Variants in MIB1 observed in about 807,000 individuals in gnomAD.
The protein encoded by MIB1 is MIB E3 ubiquitin protein ligase 1.
A neutral mutation model predicts 124.5 loss-of-function variants in MIB1; 278 were observed. The ratio of observed to expected loss-of-function variants is 2.23; its 90% CI spans 2.02 to 2.47. MIB1 has a LOEUF of 2.47. Among genes scored for constraint, MIB1 ranks in the 30% most tolerant of loss-of-function variants. MIB1 has a pLI of 0.00. For missense variants in MIB1, 957 were observed against 1,254.4 expected (o/e 0.76, Z 3.58); for synonymous variants, 446 against 429.4 (o/e 1.04, Z -0.48).
intron 1 of MIB1, among the ~76,000 whole-genome samples, chr18:21,722,432 A>G (rs1322029359): frequency 1.4e-5 from 2 of 147,650 alleles, no homozygotes; most frequent in Admixed American, 6.8e-5. Context: ...GTGCAGTGGC[A>G]GGATCTCAGC....
intron 6 of MIB1, among the ~76,000 whole-genome samples, chr18:21,783,326 T>A (rs113474777): frequency 0.017 from 2,504 of 151,736 alleles, 39 homozygotes; most frequent in East Asian, 0.069. Context: ...CACTGCAACC[T>A]CCGCCTCCCG....
At chr18:21,782,383 A>G (rs2146430643) in intron 6 of MIB1, among the ~76,000 whole-genome samples, 1 of 152,318 alleles carries the variant, frequency 6.6e-6, no homozygotes, top group African/African-American at 2.4e-5. Flanking sequence ...TTGGCCTCCC[A>G]AAGTACTGGG....
At chr18:21,790,398 G>C (rs1449166181) in intron 6 of MIB1, among the ~76,000 whole-genome samples, 19 of 152,126 alleles carry the variant, frequency 1.2e-4, no homozygotes, top group Admixed American at 1.2e-3. Context: ...GTATATCCAA[G>C]TGATGGAATA....
chr18:21,753,103 A>G (rs1177086365), intron 1 of MIB1, among the ~76,000 whole-genome samples: 1 of 152,196 alleles, frequency 6.6e-6, no homozygotes, highest in Admixed American at 6.5e-5. Context: ...ATGGAAAAAT[A>G]TATGTAGAAA....
chr18:21,741,556 A>T lies in MIB1; in HGVS notation c.-28A>T. 7.7e-7 allele frequency: 1 copy of T among 1,300,074 alleles called. No individual in the cohort carries two copies. Among genetic ancestry groups the T allele is most frequent in the East Asian group, 3.2e-5 (1 of 31,114 alleles). 80.5% of individuals were successfully genotyped at this position (1,300,074 alleles called of 1,614,324 possible). A position where few individuals can be genotyped will look rare whatever the true frequency, so the allele number is the denominator to read the frequency against. On this transcript the variant is annotated 5_prime_UTR_variant, in exon 1 of 21. Transcript: ENST00000261537. The surrounding 1 kb of genome is among the most constrained non-coding windows in gnomAD (Gnocchi z 5.4). Reference sequence around the variant, plus strand: ...CGGCAGCGGCGGCGGCGGCGGCGGCAGCGGCGGAGCCCACCGCCCGGGCCC... The same window carrying T: ...CGGCAGCGGCGGCGGCGGCGGCGGCTGCGGCGGAGCCCACCGCCCGGGCCC...
chr18:21,741,866 T>C lies in MIB1; in HGVS notation c.229+54T>C. On this transcript the variant is annotated intron_variant, in intron 1 of 20. Transcript: ENST00000261537. This position sits in a 1 kb window ranked among gnomAD's most constrained non-coding sequence, Gnocchi z 5.4. ...GCGCGCGCGGGGGGAAGGGGCGAGCTGCGGTGGGCGTCGGTGTCGCGGGGA... is the reference window on the plus strand; with the variant it reads ...GCGCGCGCGGGGGGAAGGGGCGAGCCGCGGTGGGCGTCGGTGTCGCGGGGA... The C allele has an allele frequency of 6.9e-7, 1 of 1,446,254 alleles. No homozygotes were observed. Among genetic ancestry groups the C allele is most frequent in the Non-Finnish European group, 9.3e-7 (1 of 1,075,558 alleles). The allele number at this position is 1,446,254 out of a possible 1,614,324, so 89.6% of individuals were successfully genotyped here. A position where few individuals can be genotyped will look rare whatever the true frequency, so the allele number is the denominator to read the frequency against.
chr18:21,737,926 AG>A (rs1245320147), upstream of MIB1, among the ~76,000 whole-genome samples: 1 of 152,220 alleles, frequency 6.6e-6, no homozygotes, highest in African/African-American at 2.4e-5. Flanking sequence ...ACACAATAAT[AG>A]TGGGAGACTT....
upstream of MIB1, among the ~76,000 whole-genome samples, chr18:21,736,965 T>C (rs981258611): frequency 6.6e-6 from 1 of 152,214 alleles, no homozygotes; most frequent in Admixed American, 6.5e-5. Flanking sequence ...CCAGGAGAAC[T>C]TCCCCAACCT....
At chr18:21,713,736 C>T (rs182473943) in intron 1 of MIB1, among the ~76,000 whole-genome samples, 1 of 148,912 alleles carries the variant, frequency 6.7e-6, no homozygotes, top group Non-Finnish European at 1.5e-5. Flanking sequence ...CATGAGTTAC[C>T]ATGCCTGCAC....
intron 1 of MIB1, among the ~76,000 whole-genome samples, chr18:21,709,305 G>A (rs1368679315): frequency 1.6e-5 from 1 of 62,678 alleles, no homozygotes; most frequent in Non-Finnish European, 2.6e-5. Flanking sequence ...GCGAAAGAGC[G>A]AGACTGTCTC....
chr18:21,771,841 A>C (rs990285573), intron 3 of MIB1, among the ~76,000 whole-genome samples: 2 of 151,382 alleles, frequency 1.3e-5, no homozygotes, highest in African/African-American at 2.5e-5. Context: ...CTTAAAAAAA[A>C]AAACGAAAAT....
intron 12 of MIB1, among the ~76,000 whole-genome samples, chr18:21,833,600 T>C (rs770313684): frequency 6.6e-6 from 1 of 152,210 alleles, no homozygotes; most frequent in Non-Finnish European, 1.5e-5. Flanking sequence ...CTCCACAGTT[T>C]AGCTAGTAGG....
chr18:21,746,989 T>A (rs2040919495), intron 1 of MIB1, among the ~76,000 whole-genome samples: 1 of 152,160 alleles, frequency 6.6e-6, no homozygotes, highest in Admixed American at 6.5e-5. Context: ...CCTATTCTGA[T>A]CTGTTTCTAG....
At chr18:21,842,354 A>G (rs2042098693) in intron 13 of MIB1, among the ~76,000 whole-genome samples, 1 of 152,078 alleles carries the variant, frequency 6.6e-6, no homozygotes, top group Non-Finnish European at 1.5e-5. Context: ...CATTTTAAAA[A>G]ATTTTTAAAT....
At chr18:21,781,134 G>T (rs1428775179) in intron 6 of MIB1, among the ~76,000 whole-genome samples, 1 of 151,064 alleles carries the variant, frequency 6.6e-6, no homozygotes, top group African/African-American at 2.4e-5. Flanking sequence ...CCAGGCTGGC[G>T]CTGAACCCCT....
chr18:21,745,675 AACACACACACACACAC>A (rs144491531), intron 1 of MIB1, among the ~76,000 whole-genome samples: 3 of 144,750 alleles, frequency 2.1e-5, no homozygotes, highest in South Asian at 2.2e-4. Context: ...ATAGGTGTTA[AACACACACACACACAC>A]ACACACACAC....
intron 1 of MIB1, among the ~76,000 whole-genome samples, chr18:21,724,894 C>A (rs2040734301): frequency 6.8e-6 from 1 of 146,048 alleles, no homozygotes. Context: ...AGATCGCGAC[C>A]ATCCTGGCTC....
chr18:21,840,645 ATATATATATATATATATATATT>A (rs1435552124), intron 13 of MIB1, among the ~76,000 whole-genome samples: 39 of 2,100 alleles, frequency 0.019, no homozygotes, highest in African/African-American at 0.027. Flanking sequence ...ATATATATAT[ATATATATATATATATATATATT>A]TTTTTTTTTT....
At chr18:21,812,418 A>G (rs965315208) in intron 10 of MIB1, 1 of 152,260 alleles carries the variant, frequency 6.6e-6, no homozygotes, top group African/African-American at 2.4e-5. Context: ...GGTGTGAAGA[A>G]TAGATTGGGA....
Sources: gnomAD v4.1 joint callset for allele counts (sites outside exome capture counted in the v4.1 genomes callset) on GRCh38, gnomAD v4.1.1 for gene constraint, Gnocchi (gnomAD v3.1) non-coding constraint, MANE v1.5 for transcripts, NCBI Gene and HGNC (gene_info 2026-07-23, HGNC 2026-07-21) for gene names.